Variants in TFEC observed in about 807,000 individuals in gnomAD.
TFEC encodes the protein transcription factor EC.
Under a neutral mutation model 41.6 loss-of-function variants are expected in TFEC, and 31 were observed. The observed-to-expected ratio is 0.74, with a 90% CI of 0.56 to 1.01. TFEC has a LOEUF of 1.01. TFEC is among the 50% of genes least tolerant of loss of function. TFEC has a pLI of 0.00. For synonymous variants in TFEC, 143 were observed against 140.6 expected (o/e 1.02, Z -0.12); for missense variants, 402 against 404.1 (o/e 0.99, Z 0.04).
rs189212712 is a variant in TFEC, at chr7:116,120,706, G to A, written c.-68-8668C>T. Reference sequence around the variant, plus strand: ...TGCCTGTGTTCACAGTTCCTAAATAGTGCTTAATGTACTGCTGGGACCCAA... The same window carrying A: ...TGCCTGTGTTCACAGTTCCTAAATAATGCTTAATGTACTGCTGGGACCCAA... On this transcript the variant is annotated intron_variant, in intron 1 of 8. Transcript: ENST00000484212. Among the ~76,000 whole-genome samples, 23 of 152,056 alleles carry A rather than the reference G, an allele frequency of 1.5e-4. 1 individual carries two copies. The highest frequency in any genetic ancestry group is 1.4e-3 in the Admixed American group (22 of 15,250).
In TFEC at chr7:116,069,036, T is replaced by C. The variant is rs555907159; in HGVS notation, c.198+41672A>G. ...TTTGTCAAATTTAGGGTTTATAAAC[T>C]CTACATTTCTTCATACTTTGATTTT... is the stretch of plus-strand genomic sequence containing the variant. On this transcript the variant is annotated intron_variant, in intron 3 of 8. Coordinates refer to the TFEC transcript ENST00000484212. Among the ~76,000 whole-genome samples the C allele has an allele frequency of 7.8e-3, 1,186 of 151,346 alleles. 11 individuals are homozygous for C. The highest frequency in any genetic ancestry group is 0.027 in the African/African-American group (1,113 of 41,048).
At chr7:116,101,208 A>C (rs1797597456) in intron 3 of TFEC, among the ~76,000 whole-genome samples, 1 of 140,704 alleles carries the variant, frequency 7.1e-6, no homozygotes. Context: ...AAAAAAAAGA[A>C]AAAGGAAAAA....
chr7:115,970,910 T>C (rs933945714), intron 3 of TFEC, among the ~76,000 whole-genome samples: 1 of 151,962 alleles, frequency 6.6e-6, no homozygotes, highest in African/African-American at 2.4e-5. Context: ...ATAATCCCCT[T>C]TTCTTTAAAA....
chr7:115,991,924 G>A (rs1393101305), intron 1 of TFEC, among the ~76,000 whole-genome samples: 2 of 152,038 alleles, frequency 1.3e-5, no homozygotes, highest in African/African-American at 4.8e-5. Flanking sequence ...GCACCACATT[G>A]CCCTTATTCC....
intron 1 of TFEC, among the ~76,000 whole-genome samples, chr7:115,996,803 C>T (rs1321268160): frequency 6.6e-6 from 1 of 152,046 alleles, no homozygotes; most frequent in Non-Finnish European, 1.5e-5. Flanking sequence ...CCAGATAGTA[C>T]TCACCACAGG....
At chr7:115,974,462 T>C (rs1328010432) in intron 2 of TFEC, among the ~76,000 whole-genome samples, 1 of 70,010 alleles carries the variant, frequency 1.4e-5, no homozygotes, top group Non-Finnish European at 3.3e-5. Flanking sequence ...AAACACAGAT[T>C]ACTTTAGCAT....
At chr7:116,105,069 C>A (rs1297298157) in intron 3 of TFEC, among the ~76,000 whole-genome samples, 1 of 152,136 alleles carries the variant, frequency 6.6e-6, no homozygotes, top group Non-Finnish European at 1.5e-5. Flanking sequence ...CCATTCCCTG[C>A]AGCCCTCCAG....
chr7:116,023,311 A>G (rs1795469209), intron 1 of TFEC, among the ~76,000 whole-genome samples: 1 of 152,214 alleles, frequency 6.6e-6, no homozygotes, highest in South Asian at 2.1e-4. Context: ...TGTATTCCAA[A>G]GTACTTAGAG....
chr7:115,968,406 G>T (rs1164794775), intron 3 of TFEC: 1 of 1,018,412 alleles, frequency 9.8e-7, no homozygotes, highest in Non-Finnish European at 1.3e-6. Context: ...GTCCTTTCAA[G>T]TTCCAACCAA....
chr7:116,093,798 G>A (rs1016121032), intron 3 of TFEC, among the ~76,000 whole-genome samples: 1 of 152,106 alleles, frequency 6.6e-6, no homozygotes, highest in African/African-American at 2.4e-5. Context: ...TATACCTTGG[G>A]GGAAATGCAA....
At chr7:116,114,228 G>A (rs1254788151) in intron 1 of TFEC, among the ~76,000 whole-genome samples, 2 of 151,992 alleles carry the variant, frequency 1.3e-5, no homozygotes, top group South Asian at 2.1e-4. Flanking sequence ...CCACTTCAGC[G>A]AAAAACACAC....
chr7:116,048,768 C>T (rs1223323357), intron 3 of TFEC, among the ~76,000 whole-genome samples: 2 of 152,210 alleles, frequency 1.3e-5, no homozygotes, highest in African/African-American at 2.4e-5. Context: ...GCCCATCAGA[C>T]TAACAGTGGA....
chr7:116,133,774 C>T (rs1360867561), intron 1 of TFEC, among the ~76,000 whole-genome samples: 1 of 152,032 alleles, frequency 6.6e-6, no homozygotes, highest in Non-Finnish European at 1.5e-5. Context: ...ACCTATGGTA[C>T]TGTAGTAAAC....
Position 115,950,916 on chromosome 7 carries a change from C to T in TFEC, c.473G>A (p.Arg158Gln), listed in dbSNP as rs200111306. The T allele has an allele frequency of 2.5e-6, 4 of 1,602,914 alleles. No individual in the cohort carries two copies. The highest frequency in any genetic ancestry group is 1.1e-5 in the South Asian group (1 of 89,672). ...AATAAGAGTGCCAAGCTCCTTGATT[C>T]GGTAATTAATATTATACCTTCTTCT... is the stretch of plus-strand genomic sequence containing the variant. Reference protein sequence around the residue: ...ERRRRYNINYRIKELGTLIPK... With the variant: ...ERRRRYNINYQIKELGTLIPK... Residue 158 changes from arginine (R) to glutamine (Q), a missense_variant, in exon 6 of 8, where the codon CGA becomes CAA. By Grantham distance (43) the Arg-to-Gln change is conservative (BLOSUM62 1). Coordinates refer to ENST00000265440, the MANE Select transcript of TFEC (RefSeq NM_012252.4).
intron 1 of TFEC, among the ~76,000 whole-genome samples, chr7:116,011,370 CATG>C (rs1228567338): frequency 6.6e-6 from 1 of 152,202 alleles, no homozygotes; most frequent in African/African-American, 2.4e-5. Flanking sequence ...CATAAGGTGT[CATG>C]ATATCATAAA....
chr7:115,970,747 G>T (rs1793096799), intron 3 of TFEC, among the ~76,000 whole-genome samples: 1 of 151,784 alleles, frequency 6.6e-6, no homozygotes. Context: ...AAAGAGCATG[G>T]CAACTTCTCC....
At position 115,938,084 on chromosome 7, in the gene TFEC, A is replaced by C. The variant is rs1317910437; in HGVS notation, c.*2467T>G. Reference sequence around the variant, plus strand: ...AGCAGCAAATAGCAGTTCCCTCTCCAGATCTCTTGTGTCCAGGCTCTATCA... The same window carrying C: ...AGCAGCAAATAGCAGTTCCCTCTCCCGATCTCTTGTGTCCAGGCTCTATCA... On this transcript the variant is annotated 3_prime_UTR_variant, in exon 8 of 8. Transcript: ENST00000265440. 1 of 151,898 alleles carries C rather than the reference A, an allele frequency of 6.6e-6. No homozygotes were observed. The highest frequency in any genetic ancestry group is 1.5e-5 in the Non-Finnish European group (1 of 67,894). 9.4% of individuals were successfully genotyped at this position (151,898 alleles called of 1,614,324 possible). A position where few individuals can be genotyped will look rare whatever the true frequency, so the allele number is the denominator to read the frequency against.
chr7:116,147,822 C>T (rs557279184), intron 1 of TFEC, among the ~76,000 whole-genome samples: 3 of 152,202 alleles, frequency 2.0e-5, no homozygotes, highest in Non-Finnish European at 4.4e-5. Flanking sequence ...CTCCATTTAA[C>T]AAAAATATAT....
intron 1 of TFEC, among the ~76,000 whole-genome samples, chr7:116,125,607 T>A (rs1392676233): frequency 6.6e-6 from 1 of 152,120 alleles, no homozygotes; most frequent in African/African-American, 2.4e-5. Flanking sequence ...TGTATGGTAG[T>A]GACCGAGATA....
Sources: gnomAD v4.1 joint callset for allele counts (sites outside exome capture counted in the v4.1 genomes callset) on GRCh38, gnomAD v4.1.1 for gene constraint, MANE v1.5 for transcripts, NCBI Gene and HGNC (gene_info 2026-07-23, HGNC 2026-07-21) for gene names.